BRDT: variants seen among roughly 807,000 people sequenced by gnomAD.
The protein encoded by BRDT is bromodomain testis associated.
In BRDT, 77 loss-of-function variants were observed where a neutral mutation model predicts 113.9. That is an observed-to-expected ratio of 0.68 (90% CI 0.56 to 0.82). The LOEUF (loss-of-function observed/expected upper bound fraction) is 0.82. Ranked by LOEUF, BRDT falls within the 40% of genes least tolerant of loss-of-function variation. BRDT has a pLI of 0.00. For synonymous variants in BRDT, 358 were observed against 366.5 expected (o/e 0.98, Z 0.26); for missense variants, 1,027 against 1,105.4 (o/e 0.93, Z 1.01).
intron 16 of BRDT, among the ~76,000 whole-genome samples, chr1:92,002,861 C>G (rs1437377599): frequency 6.6e-6 from 1 of 152,136 alleles, no homozygotes; most frequent in Non-Finnish European, 1.5e-5. Flanking sequence ...AACAAATATT[C>G]TAGATGATTG....
chr1:91,993,538 G>T (rs1416008447), intron 14 of BRDT, among the ~76,000 whole-genome samples: 1 of 152,254 alleles, frequency 6.6e-6, no homozygotes, highest in South Asian at 2.1e-4. Flanking sequence ...TTAAATAAAT[G>T]TTAGCTATTA....
At chr1:91,971,493 T>A (rs1189054224) in intron 4 of BRDT, among the ~76,000 whole-genome samples, 2 of 152,196 alleles carry the variant, frequency 1.3e-5, no homozygotes, top group Non-Finnish European at 2.9e-5. Flanking sequence ...TGTCATATGA[T>A]GGTAGCTAGT....
At chr1:91,991,294 C>CA in intron 13 of BRDT, 49 bp downstream of exon 13, 1 of 1,119,472 alleles carries the variant, frequency 8.9e-7, no homozygotes, top group South Asian at 1.6e-5. Context: ...ATGTATAACT[C>CA]ATGGGTATAG....
At chr1:91,972,205 C>G (rs1683701037) in intron 4 of BRDT, among the ~76,000 whole-genome samples, 1 of 152,102 alleles carries the variant, frequency 6.6e-6, no homozygotes, top group Non-Finnish European at 1.5e-5. Context: ...ACTACTGTGT[C>G]TTTCTTAAAA....
chr1:91,956,968 C>A (rs905130282), intron 1 of BRDT, among the ~76,000 whole-genome samples: 1 of 152,032 alleles, frequency 6.6e-6, no homozygotes, highest in Non-Finnish European at 1.5e-5. Flanking sequence ...GAAATAAAAT[C>A]TTGATTACAT....
chr1:91,961,880 G>A (rs1044647469), intron 1 of BRDT, among the ~76,000 whole-genome samples: 34 of 152,110 alleles, frequency 2.2e-4, no homozygotes, highest in Non-Finnish European at 2.8e-4. Context: ...AAGGTTGGCC[G>A]GGCGCGGTGG....
chr1:91,979,816 A>AT, intron 8 of BRDT, 59 bp downstream of exon 8: 1 of 1,491,000 alleles, frequency 6.7e-7, no homozygotes, highest in South Asian at 1.4e-5. Flanking sequence ...CTATCAGGAA[A>AT]TTTTTTCTGC....
At chr1:91,964,441 C>G (rs1682840683) in intron 2 of BRDT, among the ~76,000 whole-genome samples, 186 bp from the exon 3 acceptor site, 1 of 152,260 alleles carries the variant, frequency 6.6e-6, no homozygotes, top group Non-Finnish European at 1.5e-5. Context: ...AGTGATCCTC[C>G]TGCCTTGGCC....
intron 18 of BRDT, among the ~76,000 whole-genome samples, chr1:92,009,020 T>C (rs1045728669): frequency 6.6e-6 from 1 of 152,216 alleles, no homozygotes; most frequent in Admixed American, 6.5e-5. Flanking sequence ...AATACATTGT[T>C]TTTAACTATA....
intron 1 of BRDT, among the ~76,000 whole-genome samples, chr1:91,959,729 C>T (rs578252861): frequency 1.2e-4 from 19 of 152,240 alleles, no homozygotes; most frequent in African/African-American, 4.1e-4. Context: ...GCCATCTGCC[C>T]TCCTCAGCCT....
At position 91,949,600 on chromosome 1, in the gene BRDT, CCT is replaced by C. The variant is rs1429388533; in HGVS notation, c.-116_-115del. ...GGGTGGGAACAACCGTTTTTTCCCC[CCT>C]CTCCCCTCCCCGACCCCATCAACAT... On this transcript the variant is annotated 5_prime_UTR_variant, in exon 1 of 19. Transcript: ENST00000399546. 1.3e-5 allele frequency: 2 copies of C among 152,264 alleles called. No homozygotes were observed. The highest frequency in any genetic ancestry group is 2.9e-5 in the Non-Finnish European group (2 of 68,140). 9.4% of individuals were successfully genotyped at this position (152,264 alleles called of 1,614,324 possible).
intron 1 of BRDT, among the ~76,000 whole-genome samples, chr1:91,952,491 C>T (rs527914556): frequency 2.0e-5 from 3 of 151,926 alleles, no homozygotes; most frequent in African/African-American, 4.8e-5. Flanking sequence ...GTGGAAAATG[C>T]TCTGGGATGA....
chr1:91,977,363 C>A lies in BRDT; in HGVS notation c.939C>A (p.Val313=). ...ALGLHNYYDV[V]KNPMDLGTIK... ...GACTCCATAACTACTATGACGTTGT[C>A]AAAAATCCGATGGATCTTGGAACTA... The change falls in exon 6 of 19, where the codon GTC becomes GTA. Residue 313 remains valine, a synonymous_variant. Transcript: ENST00000399546. 1 of 1,591,460 alleles carries A rather than the reference C, an allele frequency of 6.3e-7. No individual in the cohort carries two copies. The highest frequency in any genetic ancestry group is 1.2e-5 in the South Asian group (1 of 86,280).
intron 12 of BRDT, among the ~76,000 whole-genome samples, chr1:91,982,563 T>C (rs1179917011): frequency 1.3e-5 from 2 of 152,224 alleles, no homozygotes; most frequent in African/African-American, 2.4e-5. Context: ...AATTCAATTC[T>C]CTTTTTAAAG....
intron 16 of BRDT, among the ~76,000 whole-genome samples, chr1:92,002,395 A>G (rs537441993): frequency 2.6e-5 from 4 of 151,614 alleles, no homozygotes; most frequent in Non-Finnish European, 5.9e-5. Flanking sequence ...ATGGAGTCTC[A>G]CTCTGTCGCC....
At chr1:91,983,288 G>A (rs4658121) in intron 12 of BRDT, among the ~76,000 whole-genome samples, 72,647 of 143,078 alleles carry the variant, frequency 0.51, 18,743 homozygotes, top group East Asian at 0.57. Flanking sequence ...TTTTTGAGAC[G>A]GAGTCTCCCT....
chr1:91,955,303 T>C (rs1359691662), intron 1 of BRDT, among the ~76,000 whole-genome samples: 1 of 151,764 alleles, frequency 6.6e-6, no homozygotes, highest in African/African-American at 2.4e-5. Flanking sequence ...AATACAAAAA[T>C]TAGCTGGGTG....
chr1:92,009,423 T>C (rs1032285467), intron 18 of BRDT, among the ~76,000 whole-genome samples: 4 of 152,150 alleles, frequency 2.6e-5, no homozygotes, highest in African/African-American at 9.7e-5. Context: ...TAGCACATTA[T>C]ATGAATATAC....
chr1:91,955,667 T>C (rs558854015), intron 1 of BRDT, among the ~76,000 whole-genome samples: 1 of 152,246 alleles, frequency 6.6e-6, no homozygotes, highest in Non-Finnish European at 1.5e-5. Context: ...AAACAGAAGA[T>C]TAAAGTAATT....
Sources: gnomAD v4.1 joint callset for allele counts (sites outside exome capture counted in the v4.1 genomes callset) on GRCh38, gnomAD v4.1.1 for gene constraint, MANE v1.5 for transcripts, NCBI Gene and HGNC (gene_info 2026-07-23, HGNC 2026-07-21) for gene names.